The following PDE1C variants were observed in gnomAD, a reference collection of about 807,000 sequenced individuals.
PDE1C encodes the protein dual specificity calcium/calmodulin-dependent 3',5'-cyclic nucleotide phosphodiesterase 1C.
Under a neutral mutation model 93.1 loss-of-function variants are expected in PDE1C, and 62 were observed. That is an observed-to-expected ratio of 0.67 (90% confidence interval 0.54 to 0.82). The LOEUF (loss-of-function observed/expected upper bound fraction) is 0.82. PDE1C is among the 40% of genes least tolerant of loss of function. The pLI is 0.00. For missense variants in PDE1C, 742 were observed against 884.6 expected, an observed-to-expected ratio of 0.84 and a Z score of 2.04; for synonymous variants, 325 against 310.1, an observed-to-expected ratio of 1.05 and a Z score of -0.50.
intron 2 of PDE1C, among the ~76,000 whole-genome samples, chr7:32,018,063 G>C (rs569024333): frequency 6.6e-6 from 1 of 151,286 alleles, no homozygotes; most frequent in Non-Finnish European, 1.5e-5. Context: ...TTCCACCCTG[G>C]GTGACAAAGT....
chr7:32,222,621 T>C (rs1806957704), intron 1 of PDE1C, among the ~76,000 whole-genome samples: 1 of 152,194 alleles, frequency 6.6e-6, no homozygotes, highest in Non-Finnish European at 1.5e-5. Context: ...GAGGCAGGTG[T>C]GTCTGGCTTG....
chr7:32,136,035 A>G (rs868225303), intron 3 of PDE1C, among the ~76,000 whole-genome samples: 1 of 152,228 alleles, frequency 6.6e-6, no homozygotes, highest in Non-Finnish European at 1.5e-5. Context: ...TACAAATGCT[A>G]TATGATTTCA....
the PDE1C span, among the ~76,000 whole-genome samples, chr7:31,743,441 T>G: frequency 6.6e-6 from 1 of 151,590 alleles, no homozygotes; most frequent in Non-Finnish European, 1.5e-5. Context: ...GACAGGAGAG[T>G]CAATAGGAGT....
intron 2 of PDE1C, among the ~76,000 whole-genome samples, chr7:32,038,347 T>G (rs993859552): frequency 1.3e-5 from 2 of 152,096 alleles, no homozygotes; most frequent in Non-Finnish European, 2.9e-5. Context: ...GCAGAATAAG[T>G]GCCTGAGGGA....
chr7:32,224,984 G>A (rs1807146557), intron 1 of PDE1C, among the ~76,000 whole-genome samples: 1 of 151,288 alleles, frequency 6.6e-6, no homozygotes, highest in Non-Finnish European at 1.5e-5. Flanking sequence ...CAGGAACTTG[G>A]GCATCTGATT....
At chr7:31,644,065 A>G in the PDE1C span, 2 of 921,648 alleles carry the variant, frequency 2.2e-6, no homozygotes, top group Admixed American at 5.6e-5. Flanking sequence ...AAACTTTTCT[A>G]TTTTAAATCA....
intron 1 of PDE1C, among the ~76,000 whole-genome samples, chr7:32,315,990 C>T (rs1783162464): frequency 6.6e-6 from 1 of 152,092 alleles, no homozygotes; most frequent in African/African-American, 2.4e-5. Flanking sequence ...AGCGAAAACT[C>T]CATCTCAAAA....
At chr7:32,135,373 G>T (rs1391573648) in intron 3 of PDE1C, among the ~76,000 whole-genome samples, 1 of 152,162 alleles carries the variant, frequency 6.6e-6, no homozygotes, top group African/African-American at 2.4e-5. Flanking sequence ...CCATATATCT[G>T]ATAAGGGGTT....
intron 1 of PDE1C, among the ~76,000 whole-genome samples, chr7:32,362,286 G>T (rs149790642): frequency 4.0e-4 from 61 of 152,148 alleles, no homozygotes; most frequent in African/African-American, 1.5e-3. Flanking sequence ...AGAGACATGG[G>T]GGGAGAATCT....
At chr7:32,158,092 C>A (rs187914338) in intron 3 of PDE1C, among the ~76,000 whole-genome samples, 4 of 152,284 alleles carry the variant, frequency 2.6e-5, no homozygotes, top group Admixed American at 2.0e-4. Flanking sequence ...GTCCCCTTCA[C>A]ACACAGTTTT....
At chr7:32,261,036 G>GGTGCT in intron 1 of PDE1C, among the ~76,000 whole-genome samples, 1 of 152,132 alleles carries the variant, frequency 6.6e-6, no homozygotes, top group African/African-American at 2.4e-5. Context: ...CTTGAACCTG[G>GGTGCT]GAGGTGGAGG....
chr7:32,032,929 A>G (rs549329401), intron 2 of PDE1C, among the ~76,000 whole-genome samples: 4 of 152,268 alleles, frequency 2.6e-5, no homozygotes, highest in Admixed American at 1.3e-4. Context: ...TCGGGTACAC[A>G]AGGAAAGACT....
intron 1 of PDE1C, among the ~76,000 whole-genome samples, chr7:32,313,724 AG>A (rs1413188615): frequency 1.5e-4 from 20 of 134,418 alleles, no homozygotes; most frequent in African/African-American, 4.9e-4. Flanking sequence ...GGACACAGGA[AG>A]GGGAACATCA....
chr7:32,347,681 A>G (rs1783881552), intron 1 of PDE1C, among the ~76,000 whole-genome samples: 1 of 152,140 alleles, frequency 6.6e-6, no homozygotes, highest in Admixed American at 6.5e-5. Context: ...CCTGGCAAAG[A>G]GCTATGTGTG....
intron 1 of PDE1C, among the ~76,000 whole-genome samples, chr7:32,262,546 A>C (rs1475832489): frequency 6.6e-6 from 1 of 152,194 alleles, no homozygotes; most frequent in Non-Finnish European, 1.5e-5. Flanking sequence ...TCTGGCACAC[A>C]GGGTCTGTGT....
Position 32,170,063 on chromosome 7 carries a change from T to G in PDE1C, c.137-107A>C, listed in dbSNP as rs187100663. ...CCAAAGCAGAGCAGGGAAATTTATA[T>G]ATTTCTCACCATCTCCGCCAACATT... On this transcript the variant is annotated intron_variant, in intron 2 of 18. Coordinates refer to the PDE1C transcript ENST00000396193. 89 of 971,424 alleles carry G rather than the reference T, an allele frequency of 9.2e-5. No individual in the cohort carries two copies. The African/African-American group carries it at 1.3e-3, about 15-fold the overall frequency. The allele number at this position is 971,424 out of a possible 1,614,324, so 60.2% of individuals were successfully genotyped here.
intron 16 of PDE1C, among the ~76,000 whole-genome samples, chr7:31,783,136 A>T (rs917138223): frequency 6.6e-6 from 1 of 152,206 alleles, no homozygotes; most frequent in Non-Finnish European, 1.5e-5. Flanking sequence ...AGTAGGAGAA[A>T]GAAAAAGTTT....
intron 1 of PDE1C, among the ~76,000 whole-genome samples, chr7:32,286,781 A>G (rs1385123900): frequency 6.6e-6 from 1 of 152,252 alleles, no homozygotes. Context: ...ATGTGGACCA[A>G]GGATAGGATA....
intron 11 of PDE1C, among the ~76,000 whole-genome samples, chr7:31,830,256 A>G (rs1790216287): frequency 6.6e-6 from 1 of 152,142 alleles, no homozygotes; most frequent in Non-Finnish European, 1.5e-5. Flanking sequence ...CATGAGTCCA[A>G]CTTGAGTGAT....
Sources: allele counts gnomAD v4.1 joint callset (sites outside exome capture counted in the v4.1 genomes callset), GRCh38; gene constraint gnomAD v4.1.1; transcripts MANE v1.5; gene names NCBI Gene and HGNC (gene_info 2026-07-23, HGNC 2026-07-21).